The following ZNF638 variants were observed in gnomAD, a reference collection of about 807,000 sequenced individuals.
The protein encoded by ZNF638 is CTCL tumor antigen se33-1.
ZNF638 carries 46 observed loss-of-function variants against 195.6 expected under a neutral mutation model. The ratio of observed to expected loss-of-function variants is 0.24; its 90% CI spans 0.19 to 0.30. The LOEUF is 0.30. Among genes scored for constraint, ZNF638 ranks in the 10% least tolerant of loss-of-function variants. The pLI is 1.00. For synonymous variants in ZNF638, 845 were observed against 772.0 expected, an observed-to-expected ratio of 1.09 and a Z score of -1.57; for missense variants, 2,440 against 2,325.3, an observed-to-expected ratio of 1.05 and a Z score of -1.01.
chr2:71,408,875 C>A (rs2080156787), intron 20 of ZNF638: 1 of 215,828 alleles, frequency 4.6e-6, no homozygotes, highest in Admixed American at 5.8e-5. Context: ...TCATCTAAAT[C>A]TAAATTAGAG....
chr2:71,420,844 G>A (rs2152599959), intron 21 of ZNF638, among the ~76,000 whole-genome samples: 1 of 152,250 alleles, frequency 6.6e-6, no homozygotes, highest in South Asian at 2.1e-4. Flanking sequence ...ACTAGTTTTG[G>A]TAAATGACTT....
chr2:71,349,433 A>G lies in ZNF638; in HGVS notation c.479A>G (p.Tyr160Cys), dbSNP rs778708515. ...GAAGACCTAGAAGAACTTAGTCGCT[A>G]TCCTGATGAACAACTAACTCCTGAA... ...SNEDLEELSR[Y>C]PDEQLTPENM... The change falls in exon 2 of 28, where the codon TAT (tyrosine) becomes TGT (cysteine). Residue 160 changes from tyrosine (Y) to cysteine (C), a missense_variant. By Grantham distance (194) the Tyr-to-Cys change is radical. This residue lies in a region of ZNF638 where 24 missense variants were observed against 53.1 expected (regional missense o/e 0.45). Coordinates refer to ENST00000264447, the MANE Select transcript of ZNF638 (RefSeq NM_014497.5). The G allele has an allele frequency of 3.7e-6, 6 of 1,614,216 alleles. No homozygotes were observed. In the Admixed American group the frequency reaches 5.0e-5, roughly 13 times the overall value.
chr2:71,342,421 C>T (rs756640727), intron 1 of ZNF638, among the ~76,000 whole-genome samples: 3 of 152,114 alleles, frequency 2.0e-5, no homozygotes, highest in Admixed American at 6.5e-5. Flanking sequence ...TTCACTCTTT[C>T]CCTCACCTCC....
In ZNF638 at chr2:71,423,278, C is replaced by T. The variant is rs751727822; in HGVS notation, c.3764C>T (p.Thr1255Ile). ...SEAEDFISGI[T>I]QTMVEAVAEV... is the part of the protein sequence containing the mutation. ...GCAGAAGATTTCATTTCTGGAATTA[C>T]ACAGACTATGGTAGAAGCTGTAGCT... Residue 1255 changes from threonine to isoleucine, a missense_variant, in exon 22 of 28, where the codon ACA becomes ATA. By Grantham distance (89) the Thr-to-Ile change is moderately conservative. Around this residue, in one of 5 missense-constraint regions of ZNF638, gnomAD observed 1,883 missense variants for 1,739.1 expected, o/e 1.08. Transcript: ENST00000264447. 6.2e-7 allele frequency: 1 copy of T among 1,613,794 alleles called. No homozygotes were observed. Among genetic ancestry groups the T allele is most frequent in the Admixed American group, 1.7e-5 (1 of 59,992 alleles).
chr2:71,338,960 C>T (rs1311443984), intron 1 of ZNF638, among the ~76,000 whole-genome samples: 1 of 152,140 alleles, frequency 6.6e-6, no homozygotes, highest in Non-Finnish European at 1.5e-5. Flanking sequence ...TCCATTACCC[C>T]TTATAGATTA....
chr2:71,331,972 G>A, intron 1 of ZNF638, 97 bp downstream of exon 1: 3 of 975,396 alleles, frequency 3.1e-6, no homozygotes, highest in East Asian at 1.1e-4. Flanking sequence ...GCCGACTATT[G>A]TATCTGTGTC....
intron 16 of ZNF638, among the ~76,000 whole-genome samples, chr2:71,402,429 AAT>A (rs1226644754): frequency 6.6e-6 from 1 of 152,090 alleles, no homozygotes; most frequent in Non-Finnish European, 1.5e-5. Flanking sequence ...TTATATCTTT[AAT>A]ATGTTTAATA....
intron 1 of ZNF638, among the ~76,000 whole-genome samples, chr2:71,339,779 C>T (rs569201977): frequency 6.6e-6 from 1 of 152,164 alleles, no homozygotes; most frequent in East Asian, 1.9e-4. Flanking sequence ...AACAAAAAAT[C>T]CTAGGGAAGA....
Position 71,333,450 on chromosome 2 carries a change from TG to T in ZNF638, c.-203+1576del, listed in dbSNP as rs529887134. ...ATATTTATTGTATATTGGTTGTATT[TG>T]TTTTGTAATCCTTTTTTGCATTTTG... On this transcript the variant is annotated intron_variant, in intron 1 of 27. Transcript: ENST00000264447. Among the ~76,000 whole-genome samples, 368 of 152,350 alleles carry T rather than the reference TG, an allele frequency of 2.4e-3. 1 individual carries two copies. Among genetic ancestry groups the T allele is most frequent in the African/African-American group, 8.6e-3 (356 of 41,572 alleles).
intron 1 of ZNF638, among the ~76,000 whole-genome samples, chr2:71,346,355 T>A (rs563903427): frequency 6.6e-6 from 1 of 152,324 alleles, no homozygotes; most frequent in East Asian, 1.9e-4. Flanking sequence ...TTCATATGAT[T>A]CATGATTGTT....
At position 71,424,635 on chromosome 2, in the gene ZNF638, T is replaced by C. The variant is rs1267350353; in HGVS notation, c.4525-15T>C. The stretch of plus-strand genomic sequence containing the variant: ...GTAAATTCCGTTTTTCTGTATTTCT[T>C]ATTTACTATTTCAGACTTTGGCTGA... On this transcript the variant is annotated splice_polypyrimidine_tract_variant and intron_variant, in intron 22 of 27. Transcript: ENST00000264447. The C allele has an allele frequency of 1.1e-5, 17 of 1,596,632 alleles. No homozygotes were observed. The Admixed American group carries it at 2.6e-4, about 25-fold the overall frequency.
chr2:71,348,865 C>T lies in ZNF638; in HGVS notation c.-90C>T, dbSNP rs1553466313. 5 of 1,612,514 alleles carry T rather than the reference C, an allele frequency of 3.1e-6. No individual in the cohort carries two copies. The highest frequency in any genetic ancestry group is 8.5e-7 in the Non-Finnish European group (1 of 1,179,892). On this transcript the variant is annotated 5_prime_UTR_variant, in exon 2 of 28. Transcript: ENST00000264447. Reference sequence around the variant, plus strand: ...TTTGCACTTTGCTCAGATTAAGACTCAGTTGGCGCTTCAGCAGCTGAATGC... The same window carrying T: ...TTTGCACTTTGCTCAGATTAAGACTTAGTTGGCGCTTCAGCAGCTGAATGC...
chr2:71,364,812 C>T (rs1388693850), intron 5 of ZNF638, among the ~76,000 whole-genome samples: 1 of 152,208 alleles, frequency 6.6e-6, no homozygotes, highest in African/African-American at 2.4e-5. Context: ...GGCATTCCTT[C>T]TTAAAGTATG....
intron 10 of ZNF638, 74 bp downstream of exon 10, chr2:71,380,639 T>A: frequency 7.9e-7 from 1 of 1,268,208 alleles, no homozygotes. Context: ...ATGATGATGC[T>A]ATGAAGACAC....
At chr2:71,388,552 G>A (rs2079696594) in intron 10 of ZNF638, 9 of 736,870 alleles carry the variant, frequency 1.2e-5, no homozygotes, top group South Asian at 7.2e-5. Flanking sequence ...CTCTAAGGCC[G>A]AGCAGTTTCC....
intron 6 of ZNF638, among the ~76,000 whole-genome samples, chr2:71,366,425 T>C (rs979614948): frequency 6.6e-5 from 10 of 152,290 alleles, no homozygotes; most frequent in African/African-American, 2.2e-4. Context: ...ACTTTGAAAT[T>C]ATGAGTTTTG....
chr2:71,405,767 C>T (rs908718269), intron 18 of ZNF638, 125 bp downstream of exon 18: 8 of 707,566 alleles, frequency 1.1e-5, no homozygotes, highest in Non-Finnish European at 1.9e-5. Context: ...ATGGAGATGT[C>T]AGATGGGTCT....
At chr2:71,417,584 G>A (rs1023143511) in intron 20 of ZNF638, among the ~76,000 whole-genome samples, 1 of 150,516 alleles carries the variant, frequency 6.6e-6, no homozygotes, top group African/African-American at 2.4e-5. Flanking sequence ...TTGTTTTTCC[G>A]TTATTCCTTT....
rs751679937 is a variant in ZNF638, at chr2:71,368,454, G to A, written c.2068G>A (p.Glu690Lys). Residue 690 changes from glutamate to lysine, a missense_variant, in exon 7 of 28, where the codon GAA (glutamate) becomes AAA (lysine). This residue lies in a region of ZNF638 where 1,883 missense variants were observed against 1,739.1 expected (regional missense o/e 1.08). Coordinates refer to ENST00000264447, the MANE Select transcript of ZNF638 (RefSeq NM_014497.5). ...TGAATTACCAGAGGATGGTTGTACTGAAGAAGATGTGAGAAAATTATTTCA... is the reference window on the plus strand; with the variant it reads ...TGAATTACCAGAGGATGGTTGTACTAAAGAAGATGTGAGAAAATTATTTCA... ...ITELPEDGCT[E>K]EDVRKLFQPF... 1.2e-6 allele frequency: 2 copies of A among 1,613,598 alleles called. No homozygotes were observed. The highest frequency in any genetic ancestry group is 4.5e-5 in the East Asian group (2 of 44,746).
Sources: gnomAD v4.1 joint callset for allele counts (sites outside exome capture counted in the v4.1 genomes callset) on GRCh38, gnomAD v4.1.1 for gene constraint, gnomAD v4.1.1 regional missense constraint, MANE v1.5 for transcripts, NCBI Gene and HGNC (gene_info 2026-07-23, HGNC 2026-07-21) for gene names.